Variants in MAFK observed in about 807,000 individuals in gnomAD.
MAFK encodes MAF bZIP transcription factor K, also known as transcription factor MafK.
MAFK carries 1 observed loss-of-function variant against 9.2 expected under a neutral mutation model. The ratio of observed to expected loss-of-function variants is 0.11; its 90% CI spans 0.04 to 0.52. MAFK has a LOEUF of 0.52. MAFK is among the 20% of genes least tolerant of loss of function. The probability of loss-of-function intolerance (pLI) is 0.94; values close to 1 mark genes in which losing one functional copy is unlikely to be tolerated. For missense variants in MAFK, 207 were observed against 236.0 expected (o/e 0.88, Z 0.81); for synonymous variants, 110 against 107.4 (o/e 1.02, Z -0.15).
chr7:1,535,699 C>T (rs1163135815), intron 1 of MAFK, among the ~76,000 whole-genome samples: 1 of 152,250 alleles, frequency 6.6e-6, no homozygotes, highest in Non-Finnish European at 1.5e-5. Flanking sequence ...GCTGAGGTGG[C>T]TGCCTGGGGA....
Position 1,539,189 on chromosome 7 carries a change from G to A in MAFK, c.-4G>A. 6.2e-7 allele frequency: 1 copy of A among 1,612,694 alleles called. No individual in the cohort carries two copies. The highest frequency in any genetic ancestry group is 8.5e-7 in the Non-Finnish European group (1 of 1,179,460). On this transcript the variant is annotated 5_prime_UTR_variant, in exon 2 of 3. Coordinates refer to ENST00000343242, the MANE Select transcript of MAFK (RefSeq NM_002360.4). ...AGCTCTGTCCTGGTGACCGTGCCCG[G>A]GTTATGACGACTAATCCCAAACCGA...
intron 1 of MAFK, chr7:1,538,307 G>A (rs1347953371): frequency 2.0e-6 from 2 of 985,524 alleles, no homozygotes; most frequent in African/African-American, 1.7e-5. Context: ...GCTCGGCAGG[G>A]CGGCGGCTCC....
At chr7:1,533,692 C>T (rs1338079992) in intron 1 of MAFK, among the ~76,000 whole-genome samples, 2 of 151,632 alleles carry the variant, frequency 1.3e-5, no homozygotes, top group Non-Finnish European at 2.9e-5. Context: ...GCTGTGGGTT[C>T]AGGCGGGTGA....
At chr7:1,531,741 C>G (rs1783912432) in intron 1 of MAFK, among the ~76,000 whole-genome samples, 2 of 152,158 alleles carry the variant, frequency 1.3e-5, no homozygotes, top group Non-Finnish European at 1.5e-5. Flanking sequence ...CAGGCGCCAC[C>G]GAGAAACCCA....
rs1783977941 is a variant in MAFK at position 1,534,438 on chromosome 7, T to C, written c.-45+3540T>C. ...AGAGGCGGGTACACCTTGGGTGGCC[T>C]CTGGTTTTGTGGATTGCACCTGCCG... On this transcript the variant is annotated intron_variant, in intron 1 of 2. Transcript: ENST00000343242. This position sits in a 1 kb window ranked among gnomAD's most constrained non-coding sequence, Gnocchi z 4.3. The C allele has an allele frequency of 2.3e-6, 1 of 433,676 alleles. No homozygotes were observed. The highest frequency in any genetic ancestry group is 2.4e-5 in the Admixed American group (1 of 41,824). The allele number at this position is 433,676 out of a possible 1,614,324, so 26.9% of individuals were successfully genotyped here. A position where few individuals can be genotyped will look rare whatever the true frequency, so the allele number is the denominator to read the frequency against.
intron 1 of MAFK, chr7:1,537,652 T>A: frequency 1.0e-6 from 1 of 985,564 alleles, no homozygotes; most frequent in Non-Finnish European, 1.2e-6. Flanking sequence ...CAGCTGGCCT[T>A]GGCAGGGGCA....
chr7:1,532,253 G>C lies in MAFK; in HGVS notation c.-45+1355G>C, dbSNP rs1299411442. On this transcript the variant is annotated intron_variant, in intron 1 of 2. Transcript: ENST00000343242. The surrounding 1 kb of genome is among the most constrained non-coding windows in gnomAD (Gnocchi z 4.5). The stretch of plus-strand genomic sequence containing the variant: ...AGCTTCTCCAAACCCAATGTCTTCA[G>C]GGACATGGAGCATTAAAAGAGCCGT... Among the ~76,000 whole-genome samples the C allele has an allele frequency of 6.6e-6, 1 of 152,224 alleles. No individual in the cohort carries two copies. Among genetic ancestry groups the C allele is most frequent in the Non-Finnish European group, 1.5e-5 (1 of 68,044 alleles).
At chr7:1,536,539 G>A (rs375742405) in intron 1 of MAFK, among the ~76,000 whole-genome samples, 2 of 152,160 alleles carry the variant, frequency 1.3e-5, no homozygotes, top group South Asian at 2.1e-4. Context: ...GTGCTCTGGC[G>A]GCCCTGGAGG....
rs150363765 is a variant in MAFK, at chr7:1,539,184, G to A, written c.-9G>A. 3.2e-4 allele frequency: 510 copies of A among 1,612,844 alleles called. No homozygotes were observed. In the African/African-American group the frequency reaches 4.6e-3, roughly 15 times the overall value. ...CAGGGAGCTCTGTCCTGGTGACCGT[G>A]CCCGGGTTATGACGACTAATCCCAA... On this transcript the variant is annotated 5_prime_UTR_variant, in exon 2 of 3. Coordinates refer to ENST00000343242, the MANE Select transcript of MAFK (RefSeq NM_002360.4).
In MAFK at chr7:1,540,070, C is replaced by A; in HGVS notation, c.166C>A (p.Arg56=). 1 of 1,562,108 alleles carries A rather than the reference C, an allele frequency of 6.4e-7. No individual in the cohort carries two copies. The highest frequency in any genetic ancestry group is 2.4e-5 in the East Asian group (1 of 42,098). The part of the protein sequence containing the change: ...KEEVTRLKQR[R]RTLKNRGYAA... Reference sequence around the variant, plus strand: ...GGAGGTGACCCGCCTGAAGCAGCGTCGGCGCACACTCAAGAACCGCGGCTA... The same window carrying A: ...GGAGGTGACCCGCCTGAAGCAGCGTAGGCGCACACTCAAGAACCGCGGCTA... Residue 56 remains arginine (R), a synonymous_variant, in exon 3 of 3, where the codon CGG becomes AGG. Coordinates refer to ENST00000343242, the MANE Select transcript of MAFK (RefSeq NM_002360.4).
In MAFK at chr7:1,534,035, C is replaced by G; in HGVS notation, c.-45+3137C>G. The G allele has an allele frequency of 2.8e-6, 1 of 357,054 alleles. No homozygotes were observed. Among genetic ancestry groups the G allele is most frequent in the South Asian group, 2.0e-5 (1 of 50,288 alleles). The allele number at this position is 357,054 out of a possible 1,614,324, so 22.1% of individuals were successfully genotyped here. On this transcript the variant is annotated intron_variant, in intron 1 of 2. Coordinates refer to ENST00000343242, the MANE Select transcript of MAFK (RefSeq NM_002360.4). This position sits in a 1 kb window ranked among gnomAD's most constrained non-coding sequence, Gnocchi z 4.3. ...TGGATGTAGCGGAATGACACAGCTT[C>G]CTCAGACTGCAAATGCAAGGTGACC...
In MAFK at chr7:1,534,591, G is replaced by A. The variant is rs771198952; in HGVS notation, c.-45+3693G>A. ...TCCTCCTGCCCCTCCTCCCTCTCCC[G>A]CATCCCACATCCTCGGAGACCCGCG... On this transcript the variant is annotated intron_variant, in intron 1 of 2. Transcript: ENST00000343242. The surrounding 1 kb of genome is among the most constrained non-coding windows in gnomAD (Gnocchi z 4.3). 1.8e-5 allele frequency: 8 copies of A among 456,198 alleles called. No homozygotes were observed. Among genetic ancestry groups the A allele is most frequent in the East Asian group, 6.9e-5 (1 of 14,428 alleles). 28.3% of individuals were successfully genotyped at this position (456,198 alleles called of 1,614,324 possible). A position where few individuals can be genotyped will look rare whatever the true frequency, so the allele number is the denominator to read the frequency against.
rs1215121980 is a variant in MAFK at position 1,532,345 on chromosome 7, CG to C, written c.-45+1448del. On this transcript the variant is annotated intron_variant, in intron 1 of 2. Coordinates refer to ENST00000343242, the MANE Select transcript of MAFK (RefSeq NM_002360.4). The surrounding 1 kb of genome is among the most constrained non-coding windows in gnomAD (Gnocchi z 4.5). ...GGGACACACCTACACCCTATTTGGG[CG>C]TCCAGTGCCATTTATGAGAACATCT... Among the ~76,000 whole-genome samples, 11 of 152,210 alleles carry C rather than the reference CG, an allele frequency of 7.2e-5. No homozygotes were observed. The highest frequency in any genetic ancestry group is 7.2e-4 in the Admixed American group (11 of 15,278).
intron 1 of MAFK, among the ~76,000 whole-genome samples, chr7:1,533,544 C>T (rs564079259): frequency 1.1e-4 from 16 of 152,120 alleles, no homozygotes; most frequent in African/African-American, 3.6e-4. Context: ...GTGGGGGAGT[C>T]GGGGTTTGGG....
chr7:1,541,252 C>G lies in MAFK; in HGVS notation c.*877C>G, dbSNP rs1296184494. On this transcript the variant is annotated 3_prime_UTR_variant, in exon 3 of 3. Transcript: ENST00000343242. The stretch of plus-strand genomic sequence containing the variant: ...CGTCCCGGATCTCAGCGGACACAGG[C>G]AGGAGCGCCCCATCATTTGACGGTG... 2 of 153,032 alleles carry G rather than the reference C, an allele frequency of 1.3e-5. No homozygotes were observed. The highest frequency in any genetic ancestry group is 2.9e-5 in the Non-Finnish European group (2 of 68,372). The allele number at this position is 153,032 out of a possible 1,614,324, so 9.5% of individuals were successfully genotyped here.
intron 1 of MAFK, chr7:1,537,855 C>A (rs1194567196): frequency 1.7e-5 from 4 of 241,310 alleles, no homozygotes; most frequent in African/African-American, 4.6e-5. Flanking sequence ...TGCGGTCACC[C>A]GCCCCCATGA....
At chr7:1,538,400 G>C in intron 1 of MAFK, 1 of 985,388 alleles carries the variant, frequency 1.0e-6, no homozygotes, top group Non-Finnish European at 1.2e-6. Flanking sequence ...CAGGGTCCTC[G>C]CTCGGGGGCA....
At chr7:1,538,246 G>A (rs1448461678) in intron 1 of MAFK, 1 of 984,930 alleles carries the variant, frequency 1.0e-6, no homozygotes, top group South Asian at 4.7e-5. Context: ...CAATGCAGAC[G>A]TGAGGACGGC....
chr7:1,536,745 G>T (rs889880363), intron 1 of MAFK, among the ~76,000 whole-genome samples: 9 of 152,232 alleles, frequency 5.9e-5, no homozygotes, highest in African/African-American at 1.7e-4. Context: ...TGTGCATGGT[G>T]GGGAGAGGGA....
Sources: gnomAD v4.1 joint callset for allele counts (sites outside exome capture counted in the v4.1 genomes callset) on GRCh38, gnomAD v4.1.1 for gene constraint, Gnocchi (gnomAD v3.1) non-coding constraint, MANE v1.5 for transcripts, NCBI Gene and HGNC (gene_info 2026-07-23, HGNC 2026-07-21) for gene names.